Variants in PTPRT observed in about 807,000 individuals in gnomAD.
PTPRT encodes protein tyrosine phosphatase receptor type T.
A neutral mutation model predicts 176.8 loss-of-function variants in PTPRT; 56 were observed. That is an observed-to-expected ratio of 0.32 (90% CI 0.26 to 0.40). PTPRT has a LOEUF of 0.40. Among genes scored for constraint, PTPRT ranks in the 10% least tolerant of loss-of-function variants. PTPRT has a pLI of 1.00. For missense variants in PTPRT, 1,540 were observed against 1,908.2 expected (o/e 0.81, Z 3.60); for synonymous variants, 783 against 739.0 (o/e 1.06, Z -0.96).
chr20:42,845,262 G>C (rs17749630), intron 2 of PTPRT, among the ~76,000 whole-genome samples: 43,292 of 148,058 alleles, frequency 0.29, 7,383 homozygotes, highest in Non-Finnish European at 0.39. Context: ...GAAAGCTAAA[G>C]GGCTGTCTTG....
chr20:42,584,210 G>C (rs2073430545), intron 7 of PTPRT, among the ~76,000 whole-genome samples: 1 of 152,130 alleles, frequency 6.6e-6, no homozygotes, highest in Non-Finnish European at 1.5e-5. Context: ...AAATAAAATG[G>C]CTGTTGTTTT....
chr20:42,736,330 G>A (rs891172035), intron 6 of PTPRT, among the ~76,000 whole-genome samples: 1 of 152,238 alleles, frequency 6.6e-6, no homozygotes, highest in Non-Finnish European at 1.5e-5. Context: ...CTGGTCTCCA[G>A]CCTCGTGTGC....
At chr20:43,176,496 A>G (rs906543222) in intron 1 of PTPRT, among the ~76,000 whole-genome samples, 2 of 152,244 alleles carry the variant, frequency 1.3e-5, no homozygotes, top group Non-Finnish European at 2.9e-5. Flanking sequence ...CAATTTTAAC[A>G]AATTTTCTTA....
chr20:42,851,145 C>A (rs1384386033), intron 2 of PTPRT, among the ~76,000 whole-genome samples: 1 of 152,140 alleles, frequency 6.6e-6, no homozygotes, highest in Non-Finnish European at 1.5e-5. Flanking sequence ...TAGAGTTGAA[C>A]ATTTTGTTCT....
Position 42,079,608 on chromosome 20 carries a change from C to T in PTPRT, c.*1271G>A, listed in dbSNP as rs1323838045. 1 of 226,568 alleles carries T rather than the reference C, an allele frequency of 4.4e-6. No individual in the cohort carries two copies. The allele number at this position is 226,568 out of a possible 1,614,324, so 14.0% of individuals were successfully genotyped here. On this transcript the variant is annotated 3_prime_UTR_variant, in exon 31 of 31. Coordinates refer to ENST00000373187, the MANE Select transcript of PTPRT (RefSeq NM_007050.6). ...TGGTTCCCTCTCATTGACTCACTCA[C>T]ACTTTGGACAAGACCCTAGATCTCC... is the stretch of plus-strand genomic sequence containing the variant.
At chr20:42,085,209 G>C (rs916212679) in intron 28 of PTPRT, among the ~76,000 whole-genome samples, 2 of 152,158 alleles carry the variant, frequency 1.3e-5, no homozygotes, top group African/African-American at 2.4e-5. Flanking sequence ...TCTGAGCAGG[G>C]GGGTAGGGGA....
rs58728446 is a variant in PTPRT at position 42,272,721 on chromosome 20, G to GCACA, written c.2176+9764_2176+9767dup. Among the ~76,000 whole-genome samples, 43 of 149,308 alleles carry GCACA rather than the reference G, an allele frequency of 2.9e-4. No individual in the cohort carries two copies. In the East Asian group the frequency reaches 3.2e-3, roughly 11 times the overall value. ...CGCATGCGTGCACACACACGTGCGCGCACACACACACACACACACACACAC... is the reference window on the plus strand; with the variant it reads ...CGCATGCGTGCACACACACGTGCGCGCACACACACACACACACACACACACACAC... On this transcript the variant is annotated intron_variant, in intron 13 of 30. Coordinates refer to ENST00000373187, the MANE Select transcript of PTPRT (RefSeq NM_007050.6).
At chr20:42,290,973 A>G (rs1379117188) in intron 12 of PTPRT, among the ~76,000 whole-genome samples, 2 of 152,044 alleles carry the variant, frequency 1.3e-5, no homozygotes, top group African/African-American at 4.8e-5. Flanking sequence ...GCTCTATTAG[A>G]CTCCTCATTT....
chr20:42,379,959 C>T (rs1298069250), intron 9 of PTPRT, among the ~76,000 whole-genome samples: 2 of 152,152 alleles, frequency 1.3e-5, no homozygotes, highest in African/African-American at 4.8e-5. Flanking sequence ...GATATGAAGT[C>T]TGGCCATCCA....
intron 7 of PTPRT, among the ~76,000 whole-genome samples, chr20:42,661,845 C>T (rs775817013): frequency 1.3e-5 from 2 of 152,198 alleles, no homozygotes; most frequent in Non-Finnish European, 2.9e-5. Flanking sequence ...TTTCTCTGCA[C>T]CAAGCCAGGT....
chr20:42,462,809 A>T (rs762628631), intron 8 of PTPRT, among the ~76,000 whole-genome samples: 1 of 152,216 alleles, frequency 6.6e-6, no homozygotes, highest in Non-Finnish European at 1.5e-5. Context: ...CTCTTGGCAG[A>T]CAGTAAGTTA....
At chr20:42,745,036 G>T (rs2076672280) in intron 6 of PTPRT, among the ~76,000 whole-genome samples, 1 of 152,182 alleles carries the variant, frequency 6.6e-6, no homozygotes, top group African/African-American at 2.4e-5. Context: ...ATTTCTCTCA[G>T]ATCTCGGAAA....
intron 1 of PTPRT, among the ~76,000 whole-genome samples, chr20:43,036,269 G>A: frequency 6.6e-6 from 1 of 152,114 alleles, no homozygotes; most frequent in East Asian, 1.9e-4. Flanking sequence ...TGCCCCAGCT[G>A]GAGTGCAGTG....
chr20:42,097,870 G>A (rs1170179422), intron 27 of PTPRT, among the ~76,000 whole-genome samples: 2 of 152,216 alleles, frequency 1.3e-5, no homozygotes, highest in African/African-American at 2.4e-5. Context: ...CTGTAGGCAC[G>A]TGATGCTTGG....
intron 1 of PTPRT, among the ~76,000 whole-genome samples, chr20:43,004,942 G>A (rs1257254128): frequency 6.6e-6 from 1 of 152,136 alleles, no homozygotes; most frequent in Admixed American, 6.5e-5. Flanking sequence ...TTGTATATAA[G>A]ATACATATGT....
chr20:42,416,033 C>T (rs1442153269), intron 9 of PTPRT, among the ~76,000 whole-genome samples: 1 of 152,188 alleles, frequency 6.6e-6, no homozygotes, highest in Non-Finnish European at 1.5e-5. Flanking sequence ...CTAAAAGATA[C>T]ATCTGCTCAG....
At chr20:43,093,635 T>A (rs1290462127) in intron 1 of PTPRT, among the ~76,000 whole-genome samples, 3 of 152,170 alleles carry the variant, frequency 2.0e-5, no homozygotes, top group Non-Finnish European at 2.9e-5. Flanking sequence ...GCAGCCAGAG[T>A]GATCCTCGGG....
chr20:43,086,874 T>A (rs1238825048), intron 1 of PTPRT, among the ~76,000 whole-genome samples: 1 of 152,216 alleles, frequency 6.6e-6, no homozygotes, highest in Non-Finnish European at 1.5e-5. Context: ...GAGATGTGCC[T>A]ATTAAGGAAT....
chr20:42,181,377 G>T (rs1465474984), intron 16 of PTPRT, among the ~76,000 whole-genome samples: 1 of 152,104 alleles, frequency 6.6e-6, no homozygotes, highest in Admixed American at 6.6e-5. Context: ...GAGAGTCCAA[G>T]GAAGCCAGTA....
Sources: gnomAD v4.1 joint callset for allele counts (sites outside exome capture counted in the v4.1 genomes callset) on GRCh38, gnomAD v4.1.1 for gene constraint, MANE v1.5 for transcripts, NCBI Gene and HGNC (gene_info 2026-07-23, HGNC 2026-07-21) for gene names.